OTOGL: variants seen among roughly 807,000 people sequenced by gnomAD.
The protein encoded by OTOGL is otogelin like, also known as otogelin-like protein.
A neutral mutation model predicts 318.5 loss-of-function variants in OTOGL; 285 were observed. That is an observed-to-expected ratio of 0.89 (90% CI 0.81 to 0.99). OTOGL has a LOEUF of 0.99. Ranked by LOEUF, OTOGL falls within the 50% of genes least tolerant of loss-of-function variation. The probability of loss-of-function intolerance (pLI) is 0.00; values close to 1 mark genes in which losing one functional copy is unlikely to be tolerated. For synonymous variants in OTOGL, 987 were observed against 936.5 expected (o/e 1.05, Z -0.99); for missense variants, 2,899 against 2,845.6 (o/e 1.02, Z -0.43).
rs545785892 is a variant in OTOGL, at chr12:80,291,101, A to G, written c.2929-5726A>G. ...GTGCAGAAAATATTTCAAGTAGAGT[A>G]TTTGTCTTAACTCTGAGTCCTGGCA... On this transcript the variant is annotated intron_variant, in intron 26 of 58. Transcript: ENST00000547103. 1.3e-3 allele frequency among the ~76,000 whole-genome samples: 195 copies of G among 152,280 alleles called. 1 individual carries two copies. Among genetic ancestry groups the G allele is most frequent in the African/African-American group, 4.7e-3 (194 of 41,570 alleles).
At chr12:80,262,224 C>T (rs935384434) in intron 19 of OTOGL, 131 bp downstream of exon 19, 104 of 971,882 alleles carry the variant, frequency 1.1e-4, no homozygotes, top group Non-Finnish European at 1.3e-4. Context: ...TGCCATTCCT[C>T]GTGTATTTTT....
At chr12:80,335,867 A>AATGTACACC in intron 38 of OTOGL, 96 bp from the exon 39 acceptor site, 2 of 1,155,486 alleles carry the variant, frequency 1.7e-6, no homozygotes, top group Non-Finnish European at 2.3e-6. Context: ...GTATTCAATA[A>AATGTACACC]ATGTACACCA....
chr12:80,217,946 T>C (rs1877904930), intron 5 of OTOGL, among the ~76,000 whole-genome samples: 1 of 152,224 alleles, frequency 6.6e-6, no homozygotes, highest in Non-Finnish European at 1.5e-5. Context: ...ACTTGCTCTT[T>C]GATCCCTGTT....
rs952235302 is a variant in OTOGL at position 80,358,670 on chromosome 12, G to A, written c.6122-1G>A. 1.2e-6 allele frequency: 2 copies of A among 1,601,774 alleles called. No homozygotes were observed. Among genetic ancestry groups the A allele is most frequent in the East Asian group, 2.2e-5 (1 of 44,754 alleles). On this transcript the variant is annotated splice_acceptor_variant, in intron 50 of 58. Transcript: ENST00000547103. LOFTEE classifies it high-confidence loss of function. ...TTTACCCATGTAATTTTTCTTTTTA[G>A]TATGTGAACCAAACCTTTGTCCTAT...
chr12:80,110,027 C>A (rs191731189), intron 1 of OTOGL, among the ~76,000 whole-genome samples: 98 of 151,388 alleles, frequency 6.5e-4, no homozygotes, highest in Non-Finnish European at 1.1e-3. Flanking sequence ...TTGCTGCACC[C>A]ATCAACCTGT....
chr12:80,370,824 G>T (rs1023043862), intron 56 of OTOGL, 135 bp downstream of exon 56: 3 of 647,912 alleles, frequency 4.6e-6, no homozygotes, highest in Non-Finnish European at 2.2e-6. Context: ...ATGAATAAAA[G>T]CTCTGTTCTA....
chr12:80,139,210 C>T (rs2137136806), intron 1 of OTOGL, among the ~76,000 whole-genome samples: 1 of 152,238 alleles, frequency 6.6e-6, no homozygotes. Flanking sequence ...GAAGCAGCTG[C>T]TTTGGAAGTG....
chr12:80,360,599 A>G (rs979794329), intron 52 of OTOGL, among the ~76,000 whole-genome samples: 1 of 151,704 alleles, frequency 6.6e-6, no homozygotes, highest in Non-Finnish European at 1.5e-5. Context: ...CCCCTGCCTC[A>G]GCCTCCTGAG....
chr12:80,313,751 G>A, intron 31 of OTOGL, 119 bp downstream of exon 31: 1 of 828,194 alleles, frequency 1.2e-6, no homozygotes, highest in Non-Finnish European at 1.7e-6. Context: ...AAATTAAAAT[G>A]ACTAAATTTT....
chr12:80,238,884 A>C lies in OTOGL; in HGVS notation c.851A>C (p.Asn284Thr). 2 of 1,573,168 alleles carry C rather than the reference A, an allele frequency of 1.3e-6. No homozygotes were observed. The highest frequency in any genetic ancestry group is 1.7e-6 in the Non-Finnish European group (2 of 1,165,524). Residue 284 changes from asparagine (N) to threonine (T), a missense_variant, in exon 10 of 59, where the codon AAT (asparagine) becomes ACT (threonine). Transcript: ENST00000547103. ...ACAGAAGACATCGCTATGTTTGCAA[A>C]TAGTTGGTCGGTGCAAACTCCAGAT... ...DYTEDIAMFA[N>T]SWSVQTPDDT...
chr12:80,269,286 G>A (rs1228583529), intron 22 of OTOGL, among the ~76,000 whole-genome samples: 1 of 152,160 alleles, frequency 6.6e-6, no homozygotes, highest in Non-Finnish European at 1.5e-5. Context: ...GAACTAATGT[G>A]TTGTTTTCCA....
intron 11 of OTOGL, among the ~76,000 whole-genome samples, chr12:80,249,787 T>C (rs1881325450): frequency 6.6e-6 from 1 of 152,192 alleles, no homozygotes; most frequent in Non-Finnish European, 1.5e-5. Context: ...TGCAGTTTGA[T>C]CTCAGACTGC....
intron 1 of OTOGL, among the ~76,000 whole-genome samples, chr12:80,173,074 T>G (rs1874311838): frequency 6.6e-6 from 1 of 152,132 alleles, no homozygotes; most frequent in Non-Finnish European, 1.5e-5. Flanking sequence ...ATTCGGAACA[T>G]GTACCCCTGA....
intron 34 of OTOGL, among the ~76,000 whole-genome samples, chr12:80,323,323 G>A (rs1246725811): frequency 3.3e-5 from 5 of 152,090 alleles, no homozygotes; most frequent in East Asian, 1.9e-4. Flanking sequence ...AGTCAAAGAA[G>A]GGTCAAACCC....
chr12:80,282,221 A>T (rs993593505), intron 26 of OTOGL, among the ~76,000 whole-genome samples: 3 of 151,874 alleles, frequency 2.0e-5, no homozygotes, highest in African/African-American at 7.2e-5. Context: ...ACCTATGATT[A>T]ATGCATTTTT....
chr12:80,329,748 C>T (rs1432542493), intron 37 of OTOGL, among the ~76,000 whole-genome samples: 1 of 152,290 alleles, frequency 6.6e-6, no homozygotes. Flanking sequence ...TAATGTAGGT[C>T]AAGTTCAGAT....
At chr12:80,260,657 T>C (rs190441246) in intron 18 of OTOGL, among the ~76,000 whole-genome samples, 295 of 152,316 alleles carry the variant, frequency 1.9e-3, no homozygotes, top group Middle Eastern at 3.4e-3. Flanking sequence ...TGCCTTATTA[T>C]AATAAGTTGA....
chr12:80,309,283 T>C (rs1886469542), intron 29 of OTOGL, among the ~76,000 whole-genome samples: 1 of 152,098 alleles, frequency 6.6e-6, no homozygotes, highest in Non-Finnish European at 1.5e-5. Flanking sequence ...CATAGTAAGA[T>C]AGTTGCTTTG....
Position 80,278,261 on chromosome 12 carries a change from A to T in OTOGL, c.2775A>T (p.Thr925=). 6.5e-7 allele frequency: 1 copy of T among 1,536,252 alleles called. No individual in the cohort carries two copies. The highest frequency in any genetic ancestry group is 8.8e-7 in the Non-Finnish European group (1 of 1,135,004). Reference sequence around the variant, plus strand: ...ATCTCTCAGGAGAAGTGATTGCTACACCGTGTTACACCTGGTAAGGAGATC... The same window carrying T: ...ATCTCTCAGGAGAAGTGATTGCTACTCCGTGTTACACCTGGTAAGGAGATC... The part of the protein sequence containing the change: ...WEYLSGEVIA[T]PCYTCVCRRG... Residue 925 remains threonine, a synonymous_variant, in exon 25 of 59, where the codon ACA becomes ACT. Transcript: ENST00000547103.
Sources: allele counts gnomAD v4.1 joint callset (sites outside exome capture counted in the v4.1 genomes callset), GRCh38; gene constraint gnomAD v4.1.1; transcripts MANE v1.5; gene names NCBI Gene and HGNC (gene_info 2026-07-23, HGNC 2026-07-21).